ZNF484: variants seen among roughly 807,000 people sequenced by gnomAD.
ZNF484 encodes the protein zinc finger protein 484.
In ZNF484, 11 loss-of-function variants were observed where a neutral mutation model predicts 12.9. That is an observed-to-expected ratio of 0.85 (90% CI 0.54 to 1.41). The LOEUF (loss-of-function observed/expected upper bound fraction) is 1.41, where lower values mean the gene tolerates loss of function less well. Ranked by LOEUF, ZNF484 falls within the 40% of genes most tolerant of loss-of-function variation. The probability of loss-of-function intolerance (pLI) is 0.00; values close to 1 mark genes in which losing one functional copy is unlikely to be tolerated. For synonymous variants in ZNF484, 289 were observed against 334.1 expected (o/e 0.86, Z 1.47); for missense variants, 807 against 1,007.7 (o/e 0.80, Z 2.70).
chr9:92,857,898 C>T (rs1440727157), intron 2 of ZNF484, among the ~76,000 whole-genome samples: 1 of 152,202 alleles, frequency 6.6e-6, no homozygotes, highest in Non-Finnish European at 1.5e-5. Context: ...GCTGGGACTA[C>T]AGGCACATGC....
At chr9:92,870,109 C>T (rs1294618335) in intron 2 of ZNF484, among the ~76,000 whole-genome samples, 2 of 152,120 alleles carry the variant, frequency 1.3e-5, no homozygotes, top group African/African-American at 2.4e-5. Context: ...AGACATTATC[C>T]ATCAAACCAA....
At chr9:92,851,362 C>T (rs1856064900) in intron 4 of ZNF484, among the ~76,000 whole-genome samples, 1 of 152,236 alleles carries the variant, frequency 6.6e-6, no homozygotes, top group South Asian at 2.1e-4. Flanking sequence ...AAGAATACTA[C>T]TTCACGACAT....
chr9:92,877,845 G>T (rs1857933311), intron 1 of ZNF484, 45 bp downstream of exon 1: 2 of 1,535,714 alleles, frequency 1.3e-6, no homozygotes, highest in African/African-American at 1.4e-5. Flanking sequence ...AGACATCAGA[G>T]ATTCTTCTTG....
chr9:92,864,316 C>T (rs904911511), intron 2 of ZNF484, among the ~76,000 whole-genome samples: 1 of 152,060 alleles, frequency 6.6e-6, no homozygotes, highest in African/African-American at 2.4e-5. Context: ...GTGCCCCTTT[C>T]CTCCCCAACC....
intron 2 of ZNF484, among the ~76,000 whole-genome samples, chr9:92,857,484 T>A (rs1856533811): frequency 6.6e-6 from 1 of 152,166 alleles, no homozygotes; most frequent in South Asian, 2.1e-4. Context: ...GGCAGTAGAC[T>A]AAAAATGTAA....
chr9:92,853,994 T>C (rs1191414805), intron 4 of ZNF484, among the ~76,000 whole-genome samples: 2 of 150,936 alleles, frequency 1.3e-5, no homozygotes, highest in African/African-American at 4.9e-5. Flanking sequence ...CTTGGGAGTT[T>C]ATGGCAGGGG....
At chr9:92,870,416 G>A (rs1331607134) in intron 2 of ZNF484, among the ~76,000 whole-genome samples, 1 of 152,190 alleles carries the variant, frequency 6.6e-6, no homozygotes, top group Non-Finnish European at 1.5e-5. Context: ...AAAACTGTGG[G>A]CTTGATTCAT....
chr9:92,874,263 A>G (rs1217391863), intron 2 of ZNF484, among the ~76,000 whole-genome samples: 2 of 152,194 alleles, frequency 1.3e-5, no homozygotes, highest in African/African-American at 2.4e-5. Flanking sequence ...GCACTGTTCT[A>G]TAAGACAGCA....
chr9:92,849,365 TATA>T (rs1206324646), intron 4 of ZNF484, among the ~76,000 whole-genome samples: 3 of 151,988 alleles, frequency 2.0e-5, no homozygotes, highest in Non-Finnish European at 4.4e-5. Flanking sequence ...AATATATAGG[TATA>T]ATAACTCATT....
chr9:92,856,634 C>T (rs1029063374), intron 2 of ZNF484, among the ~76,000 whole-genome samples: 1 of 152,144 alleles, frequency 6.6e-6, no homozygotes, highest in African/African-American at 2.4e-5. Context: ...AAGATATTAC[C>T]TCACACCCAT....
In ZNF484 at chr9:92,877,820, C is replaced by T. The variant is rs572680712; in HGVS notation, c.-31+70G>A. The T allele has an allele frequency of 8.5e-6, 13 of 1,535,836 alleles. No individual in the cohort carries two copies. In the East Asian group the frequency reaches 2.7e-4, roughly 32 times the overall value. ...TCCACTGACCGACCCCATCACTGAC[C>T]GGAAGGCTCAGGACAGACATCAGAG... On this transcript the variant is annotated intron_variant, in intron 1 of 4. Transcript: ENST00000375495.
At position 92,852,598 on chromosome 9, in the gene ZNF484, G is replaced by GC. The variant is rs1856171743; in HGVS notation, c.235+3212dup. Among the ~76,000 whole-genome samples, 4 of 137,466 alleles carry GC rather than the reference G, an allele frequency of 2.9e-5. No homozygotes were observed. The Admixed American group carries it at 3.1e-4, about 11-fold the overall frequency. The allele number at this position is 137,466 out of a possible 152,430, so 90.2% of individuals were successfully genotyped here. A position where few individuals can be genotyped will look rare whatever the true frequency, so the allele number is the denominator to read the frequency against. ...GTCACCCAGGCTGGAGTACAGTGGC[G>GC]CGGTCTCAGCTCACTGCAACCTCCA... On this transcript the variant is annotated intron_variant, in intron 4 of 4. Coordinates refer to ENST00000375495, the MANE Select transcript of ZNF484 (RefSeq NM_031486.4).
chr9:92,853,944 C>T (rs1329637620), intron 4 of ZNF484, among the ~76,000 whole-genome samples: 1 of 149,398 alleles, frequency 6.7e-6, no homozygotes, highest in Non-Finnish European at 1.5e-5. Context: ...CAGCTCCAAG[C>T]AGGTCCAGAT....
At position 92,855,808 on chromosome 9, in the gene ZNF484, C is replaced by T. The variant is rs773405982; in HGVS notation, c.235+3G>A. ...TCTACCATGCTCTTGGTTCCCTTCT[C>T]ACCTGGACGGCTCTGACTGGGGATC... On this transcript the variant is annotated splice_donor_region_variant and intron_variant, in intron 4 of 4. Coordinates refer to ENST00000375495, the MANE Select transcript of ZNF484 (RefSeq NM_031486.4). 2.5e-6 allele frequency: 4 copies of T among 1,613,898 alleles called. No individual in the cohort carries two copies. The highest frequency in any genetic ancestry group is 3.4e-6 in the Non-Finnish European group (4 of 1,179,826).
At chr9:92,856,789 T>G (rs1856491024) in intron 2 of ZNF484, among the ~76,000 whole-genome samples, 1 of 152,208 alleles carries the variant, frequency 6.6e-6, no homozygotes, top group African/African-American at 2.4e-5. Context: ...TGGCTCGATC[T>G]CCACTCACCG....
intron 1 of ZNF484, among the ~76,000 whole-genome samples, chr9:92,877,324 AT>A (rs200130289): frequency 0.015 from 2,296 of 152,252 alleles, 44 homozygotes; most frequent in African/African-American, 0.05. Flanking sequence ...AAAATGTCCA[AT>A]GAAACAGATA....
chr9:92,847,312 C>T lies in ZNF484; in HGVS notation c.1475G>A (p.Gly492Glu), dbSNP rs770483476. The T allele has an allele frequency of 1.9e-5, 30 of 1,613,718 alleles. 1 individual carries two copies. The East Asian group carries it at 6.2e-4, about 34-fold the overall frequency. ...CACAGTACATATATAGGGTCTTTCT[C>T]CTGTATGAATTTTCTGGTGTATAAT... ...NLIIHQKIHTGERPYICTVCG... is the reference protein window; with the variant it reads ...NLIIHQKIHTEERPYICTVCG... The change falls in exon 5 of 5, where the codon GGA becomes GAA. Residue 492 changes from glycine to glutamate, a missense_variant. Gly to Glu is a moderately conservative substitution (Grantham distance 98). Transcript: ENST00000375495.
rs956304844 is a variant in ZNF484 at position 92,877,730 on chromosome 9, C to T, written c.-31+160G>A. On this transcript the variant is annotated intron_variant, in intron 1 of 4. Transcript: ENST00000375495. ...CCTGCAGATCCACCACCAGAGACCCCTCAGTGCCCCCTCACTCCTCCCTCA... is the reference window on the plus strand; with the variant it reads ...CCTGCAGATCCACCACCAGAGACCCTTCAGTGCCCCCTCACTCCTCCCTCA... The T allele has an allele frequency of 2.7e-5, 40 of 1,507,108 alleles. No homozygotes were observed. The African/African-American group carries it at 5.5e-4, about 21-fold the overall frequency. The allele number at this position is 1,507,108 out of a possible 1,614,324, so 93.4% of individuals were successfully genotyped here.
At chr9:92,873,242 C>T (rs1365880698) in intron 2 of ZNF484, among the ~76,000 whole-genome samples, 2 of 152,162 alleles carry the variant, frequency 1.3e-5, no homozygotes, top group East Asian at 1.9e-4. Context: ...AGAGAACCCT[C>T]ATCAGAACCT....
Sources: gnomAD v4.1 joint callset for allele counts (sites outside exome capture counted in the v4.1 genomes callset) on GRCh38, gnomAD v4.1.1 for gene constraint, MANE v1.5 for transcripts, NCBI Gene and HGNC (gene_info 2026-07-23, HGNC 2026-07-21) for gene names.